Variants in DSCAM observed in about 807,000 individuals in gnomAD.
DSCAM encodes DS cell adhesion molecule.
DSCAM carries 47 observed loss-of-function variants against 217.7 expected under a neutral mutation model. The ratio of observed to expected loss-of-function variants is 0.22; its 90% CI spans 0.17 to 0.28. The LOEUF is 0.28. Among genes scored for constraint, DSCAM ranks in the 10% least tolerant of loss-of-function variants. The pLI, the probability that DSCAM is intolerant of heterozygous loss-of-function variation, is 1.00. For synonymous variants in DSCAM, 1,056 were observed against 1,015.3 expected (o/e 1.04, Z -0.76); for missense variants, 2,080 against 2,618.3 (o/e 0.79, Z 4.49).
At chr21:40,741,499 T>C (rs2091123425) in intron 1 of DSCAM, among the ~76,000 whole-genome samples, 1 of 152,058 alleles carries the variant, frequency 6.6e-6, no homozygotes, top group African/African-American at 2.4e-5. Flanking sequence ...ACCAACAACA[T>C]CAGCCTTACC....
At chr21:40,065,167 C>T (rs1299112950) in intron 27 of DSCAM, among the ~76,000 whole-genome samples, 1 of 152,064 alleles carries the variant, frequency 6.6e-6, no homozygotes. Context: ...TTGGGATATG[C>T]AGAGCTGGAT....
chr21:40,452,630 C>G lies in DSCAM; in HGVS notation c.509-83385G>C, dbSNP rs558145726. Reference sequence around the variant, plus strand: ...AAGCATACAATACAGCACTCATGCTCTAGCAAGCAGGATGCTACTAGGTTA... The same window carrying G: ...AAGCATACAATACAGCACTCATGCTGTAGCAAGCAGGATGCTACTAGGTTA... On this transcript the variant is annotated intron_variant, in intron 3 of 32. Coordinates refer to ENST00000400454, the MANE Select transcript of DSCAM (RefSeq NM_001389.5). 2.6e-4 allele frequency among the ~76,000 whole-genome samples: 40 copies of G among 152,254 alleles called. 1 individual carries two copies. In the South Asian group the frequency reaches 8.3e-3, roughly 32 times the overall value.
chr21:40,150,449 T>C (rs2090412802), intron 16 of DSCAM, among the ~76,000 whole-genome samples: 2 of 152,246 alleles, frequency 1.3e-5, no homozygotes, highest in Non-Finnish European at 2.9e-5. Context: ...AATTTAGAAA[T>C]GCATTTAAAT....
At chr21:40,054,284 T>G (rs1296457254) in intron 29 of DSCAM, among the ~76,000 whole-genome samples, 1 of 152,232 alleles carries the variant, frequency 6.6e-6, no homozygotes, top group Non-Finnish European at 1.5e-5. Flanking sequence ...CATACATGGT[T>G]TAACTGAAGT....
intron 3 of DSCAM, among the ~76,000 whole-genome samples, chr21:40,671,640 G>T (rs1387683639): frequency 1.5e-5 from 2 of 134,254 alleles, no homozygotes; most frequent in Non-Finnish European, 3.0e-5. Context: ...AGTGAGCCGA[G>T]ATTGCACTAC....
chr21:40,595,433 G>T (rs1445770376), intron 3 of DSCAM, among the ~76,000 whole-genome samples: 1 of 151,788 alleles, frequency 6.6e-6, no homozygotes, highest in Non-Finnish European at 1.5e-5. Context: ...GGAAGGGAGA[G>T]AAGAGAAAAA....
chr21:40,717,282 T>G (rs2090852401), intron 1 of DSCAM, among the ~76,000 whole-genome samples: 1 of 152,164 alleles, frequency 6.6e-6, no homozygotes, highest in Non-Finnish European at 1.5e-5. Context: ...GAGTGTCAGG[T>G]GCCAAGCTAA....
intron 1 of DSCAM, among the ~76,000 whole-genome samples, chr21:40,775,473 T>G (rs935061140): frequency 6.6e-6 from 1 of 152,178 alleles, no homozygotes; most frequent in East Asian, 1.9e-4. Flanking sequence ...CCTTCCATGT[T>G]GTCAGGTGCA....
chr21:40,838,232 A>C (rs1273092914), intron 1 of DSCAM, among the ~76,000 whole-genome samples: 1 of 152,232 alleles, frequency 6.6e-6, no homozygotes, highest in Non-Finnish European at 1.5e-5. Flanking sequence ...CCAGCAGTTC[A>C]TGCTTATGAG....
chr21:40,256,015 G>A (rs573636388), intron 11 of DSCAM, among the ~76,000 whole-genome samples: 1 of 152,290 alleles, frequency 6.6e-6, no homozygotes, highest in South Asian at 2.1e-4. Context: ...TAATAAAAGG[G>A]TATTTTCCTT....
intron 16 of DSCAM, among the ~76,000 whole-genome samples, chr21:40,149,799 A>ATCCATCAC (rs1236751380): frequency 1.3e-5 from 2 of 149,866 alleles, no homozygotes; most frequent in Non-Finnish European, 3.0e-5. Context: ...CACCACCACC[A>ATCCATCAC]TCCATCACTC....
At chr21:40,800,715 CTTTTT>C (rs34391500) in intron 1 of DSCAM, among the ~76,000 whole-genome samples, 1 of 131,076 alleles carries the variant, frequency 7.6e-6, no homozygotes. Context: ...TTCTTACTTT[CTTTTT>C]TTTTTTTTTT....
At chr21:40,554,419 T>C (rs35360492) in intron 3 of DSCAM, among the ~76,000 whole-genome samples, 12,587 of 152,148 alleles carry the variant, frequency 0.083, 598 homozygotes, top group East Asian at 0.17. Context: ...GCCAGTACCA[T>C]GGGGAAAGTT....
chr21:40,176,337 C>T (rs984210335), intron 15 of DSCAM, among the ~76,000 whole-genome samples: 1 of 151,990 alleles, frequency 6.6e-6, no homozygotes, highest in African/African-American at 2.4e-5. Flanking sequence ...GGGGCATCCT[C>T]GTGTGCCCAA....
At chr21:40,018,181 T>C (rs1421318440) in intron 32 of DSCAM, among the ~76,000 whole-genome samples, 3 of 152,144 alleles carry the variant, frequency 2.0e-5, no homozygotes, top group Non-Finnish European at 4.4e-5. Flanking sequence ...TAAGAAAAAA[T>C]TGAATAATTC....
At chr21:40,489,986 G>A (rs1228873158) in intron 3 of DSCAM, among the ~76,000 whole-genome samples, 1 of 152,072 alleles carries the variant, frequency 6.6e-6, no homozygotes, top group Non-Finnish European at 1.5e-5. Flanking sequence ...AATTTATAAA[G>A]GCAAGAGGTT....
intron 1 of DSCAM, among the ~76,000 whole-genome samples, chr21:40,748,389 G>C (rs1398060470): frequency 6.6e-6 from 1 of 151,830 alleles, no homozygotes; most frequent in Non-Finnish European, 1.5e-5. Flanking sequence ...TAAAGGTGTA[G>C]GATATAAAAT....
intron 3 of DSCAM, among the ~76,000 whole-genome samples, chr21:40,665,741 G>A (rs927300539): frequency 3.9e-5 from 6 of 152,152 alleles, no homozygotes; most frequent in Non-Finnish European, 8.8e-5. Flanking sequence ...CATCTGTGCC[G>A]GGTCTGGTCC....
intron 1 of DSCAM, among the ~76,000 whole-genome samples, chr21:40,789,164 A>G (rs989341204): frequency 6.6e-6 from 1 of 152,132 alleles, no homozygotes; most frequent in African/African-American, 2.4e-5. Flanking sequence ...GATAGAGCAG[A>G]GTTTGATAAC....
Sources: gnomAD v4.1 joint callset for allele counts (sites outside exome capture counted in the v4.1 genomes callset) on GRCh38, gnomAD v4.1.1 for gene constraint, MANE v1.5 for transcripts, NCBI Gene and HGNC (gene_info 2026-07-23, HGNC 2026-07-21) for gene names.